SPOCD1: variants seen among roughly 807,000 people sequenced by gnomAD.
The protein encoded by SPOCD1 is SPOC domain containing 1, also known as SPOC domain-containing protein 1.
A neutral mutation model predicts 92.2 loss-of-function variants in SPOCD1; 64 were observed. That is an observed-to-expected ratio of 0.69 (90% confidence interval 0.57 to 0.86). The LOEUF (loss-of-function observed/expected upper bound fraction) is 0.86. SPOCD1 is among the 40% of genes least tolerant of loss of function. The pLI, the probability that SPOCD1 is intolerant of heterozygous loss-of-function variation, is 0.00. For missense variants in SPOCD1, 1,360 were observed against 1,543.1 expected (o/e 0.88, Z 1.99); for synonymous variants, 578 against 619.3 (o/e 0.93, Z 0.99).
chr1:31,808,382 C>T (rs897663081), intron 2 of SPOCD1, among the ~76,000 whole-genome samples: 5 of 149,702 alleles, frequency 3.3e-5, no homozygotes, highest in Admixed American at 1.3e-4. Flanking sequence ...TTAATAAATT[C>T]GAAGATAAAA....
intron 2 of SPOCD1, among the ~76,000 whole-genome samples, chr1:31,807,145 T>C (rs898645084): frequency 2.0e-5 from 3 of 150,554 alleles, no homozygotes; most frequent in African/African-American, 7.3e-5. Flanking sequence ...CCCAGCACTT[T>C]GGGAGGTCAG....
chr1:31,794,388 GA>G (rs1647848614), intron 10 of SPOCD1, 153 bp from the exon 11 acceptor site: 1 of 484,000 alleles, frequency 2.1e-6, no homozygotes, highest in African/African-American at 2.0e-5. Flanking sequence ...AGAAAATTTG[GA>G]AAACACCAAA....
At chr1:31,803,885 A>AAAGG (rs1014693724) in intron 2 of SPOCD1, among the ~76,000 whole-genome samples, 1 of 151,352 alleles carries the variant, frequency 6.6e-6, no homozygotes. Context: ...AGGAAGGAAG[A>AAAGG]AAGGAAGGAA....
chr1:31,809,824 C>T (rs576344390), intron 2 of SPOCD1, among the ~76,000 whole-genome samples: 2 of 152,198 alleles, frequency 1.3e-5, no homozygotes, highest in African/African-American at 2.4e-5. Context: ...TTCCTTGGTC[C>T]CTGCCCTGGA....
At chr1:31,802,243 AG>A (rs1175766735) in intron 2 of SPOCD1, among the ~76,000 whole-genome samples, 1 of 152,242 alleles carries the variant, frequency 6.6e-6, no homozygotes, top group Non-Finnish European at 1.5e-5. Context: ...TGGCTTATAA[AG>A]GGTAAGGAAG....
intron 2 of SPOCD1, among the ~76,000 whole-genome samples, chr1:31,808,383 G>A (rs543845455): frequency 5.3e-5 from 8 of 149,696 alleles, no homozygotes; most frequent in African/African-American, 1.5e-4. Context: ...TAATAAATTC[G>A]AAGATAAAAA....
In SPOCD1 at chr1:31,794,246, G is replaced by C. The variant is rs760662296; in HGVS notation, c.2272-11C>G. The C allele has an allele frequency of 6.2e-6, 10 of 1,601,524 alleles. No individual in the cohort carries two copies. The South Asian group carries it at 1.1e-4, about 18-fold the overall frequency. On this transcript the variant is annotated splice_polypyrimidine_tract_variant and intron_variant, in intron 10 of 15. Coordinates refer to ENST00000360482, the MANE Select transcript of SPOCD1 (RefSeq NM_144569.7). ...GAACATCTGCGGTCCCTGGGAGGCA[G>C]AAGACAGAGGGGCAGGCTGAAAACG... is the stretch of plus-strand genomic sequence containing the variant.
intron 13 of SPOCD1, 72 bp downstream of exon 13, chr1:31,793,205 AG>A: frequency 3.3e-6 from 2 of 600,910 alleles, no homozygotes; most frequent in South Asian, 4.8e-5. Flanking sequence ...CATGAGTGAA[AG>A]AGAGAGAGAG....
chr1:31,813,739 A>G (rs1383413876), intron 2 of SPOCD1, among the ~76,000 whole-genome samples: 5 of 152,226 alleles, frequency 3.3e-5, no homozygotes, highest in African/African-American at 9.6e-5. Context: ...ACTGACTCCA[A>G]AAGATAATGA....
intron 13 of SPOCD1, 108 bp downstream of exon 13, chr1:31,793,170 G>C: frequency 7.4e-7 from 1 of 1,345,832 alleles, no homozygotes; most frequent in Non-Finnish European, 1.0e-6. Flanking sequence ...CACAGAAAGG[G>C]GTGCCCATGA....
At chr1:31,794,501 CTTTT>C in intron 10 of SPOCD1, 1 of 75,056 alleles carries the variant, frequency 1.3e-5, no homozygotes, top group Non-Finnish European at 3.0e-5. Context: ...TTTTTCTTTT[CTTTT>C]TTTTTTTTTT....
intron 2 of SPOCD1, 26 bp from the exon 3 acceptor site, chr1:31,801,731 T>G (rs765425370): frequency 1.2e-6 from 2 of 1,609,296 alleles, no homozygotes; most frequent in East Asian, 4.5e-5. Context: ...GATGCAGAGA[T>G]TAGAATCCAG....
intron 9 of SPOCD1, among the ~76,000 whole-genome samples, chr1:31,796,972 A>C (rs537134482): frequency 6.6e-6 from 1 of 152,222 alleles, no homozygotes; most frequent in South Asian, 2.1e-4. Flanking sequence ...AGGTCAATTC[A>C]ACCTCTGACG....
chr1:31,800,478 T>C lies in SPOCD1; in HGVS notation c.1565A>G (p.Lys522Arg). The C allele has an allele frequency of 1.9e-6, 3 of 1,610,574 alleles. No homozygotes were observed. The African/African-American group carries it at 4.0e-5, about 21-fold the overall frequency. The change falls in exon 4 of 16, where the codon AAG becomes AGG. Residue 522 changes from lysine to arginine, a missense_variant. This residue lies in a region of SPOCD1 where 606 missense variants were observed against 601.5 expected (regional missense o/e 1.01). Transcript: ENST00000360482. ...SPSPAQRLRRKKRPMVQGPAG... is the reference protein window; with the variant it reads ...SPSPAQRLRRRKRPMVQGPAG... ...AGGGCCCTGCACCATGGGCCTTTTC[T>C]TCCTTCTGAGCCTCTGGGCAGGTGA...
chr1:31,794,054 T>C (rs1647814012), intron 11 of SPOCD1, 70 bp downstream of exon 11: 2 of 1,543,630 alleles, frequency 1.3e-6, no homozygotes, highest in Admixed American at 3.4e-5. Flanking sequence ...CAAATCCCTG[T>C]TGCTGCTGAA....
rs1352831441 is a variant in SPOCD1, at chr1:31,811,179, A to AG, written c.1383+2771dup. ...AGAAGAGACATTTCTAAATGTCTAA[A>AG]GTCTTTCTGCAGCCAGGCGCAGTGG... On this transcript the variant is annotated intron_variant, in intron 2 of 15. Coordinates refer to ENST00000360482, the MANE Select transcript of SPOCD1 (RefSeq NM_144569.7). Among the ~76,000 whole-genome samples, 5 of 152,344 alleles carry AG rather than the reference A, an allele frequency of 3.3e-5. No homozygotes were observed. In the East Asian group the frequency reaches 9.6e-4, roughly 29 times the overall value.
In SPOCD1 at chr1:31,799,491, G is replaced by C; in HGVS notation, c.1784-6C>G. 6.2e-7 allele frequency: 1 copy of C among 1,608,406 alleles called. No homozygotes were observed. The highest frequency in any genetic ancestry group is 1.1e-5 in the South Asian group (1 of 89,924). ...CTTCTCCTGTTGGAGCTGAGCTGTA[G>C]GGAGAGAGCGTCACAGGCTCCCAGG... On this transcript the variant is annotated splice_polypyrimidine_tract_variant and splice_region_variant and intron_variant, in intron 6 of 15. Coordinates refer to ENST00000360482, the MANE Select transcript of SPOCD1 (RefSeq NM_144569.7).
Sources: allele counts gnomAD v4.1 joint callset (sites outside exome capture counted in the v4.1 genomes callset), GRCh38; gene constraint gnomAD v4.1.1; regional missense constraint gnomAD v4.1.1; transcripts MANE v1.5; gene names NCBI Gene and HGNC (gene_info 2026-07-23, HGNC 2026-07-21).